HMCES: variants seen among roughly 807,000 people sequenced by gnomAD.
The protein encoded by HMCES is 5-hydroxymethylcytosine binding, ES cell specific, also known as abasic site processing protein HMCES.
HMCES carries 27 observed loss-of-function variants against 35.1 expected under a neutral mutation model. The ratio of observed to expected loss-of-function variants is 0.77; its 90% CI spans 0.57 to 1.06. HMCES has a LOEUF of 1.06. HMCES is among the 50% of genes least tolerant of loss of function. The pLI is 0.00. For synonymous variants in HMCES, 130 were observed against 154.7 expected, an observed-to-expected ratio of 0.84 and a Z score of 1.18; for missense variants, 391 against 430.4, an observed-to-expected ratio of 0.91 and a Z score of 0.81.
rs2071219574 is a variant in HMCES at position 129,305,158 on chromosome 3, T to C, written c.*333T>C. The C allele has an allele frequency of 3.7e-6, 1 of 267,170 alleles. No homozygotes were observed. The highest frequency in any genetic ancestry group is 7.1e-6 in the Non-Finnish European group (1 of 141,384). The allele number at this position is 267,170 out of a possible 1,614,324, so 16.5% of individuals were successfully genotyped here. ...CTCTGCCCTGATCTGGTACTCCTTGTAGTAAGCTGTTTTCTGCTCAGCCAC... is the reference window on the plus strand; with the variant it reads ...CTCTGCCCTGATCTGGTACTCCTTGCAGTAAGCTGTTTTCTGCTCAGCCAC... On this transcript the variant is annotated 3_prime_UTR_variant, in exon 7 of 7. Transcript: ENST00000383463.
chr3:129,304,763 G>C lies in HMCES; in HGVS notation c.1003G>C (p.Glu335Gln), dbSNP rs771547594. The C allele has an allele frequency of 6.2e-7, 1 of 1,614,012 alleles. No individual in the cohort carries two copies. The highest frequency in any genetic ancestry group is 8.5e-7 in the Non-Finnish European group (1 of 1,180,016). ...CAAGAGAGGCACTGCAGGACTCCTA[G>C]AGCAATGGCTGAAGCGGGAGAAGGA... ...PTKRGTAGLL[E>Q]QWLKREKEEE... The change falls in exon 7 of 7, where the codon GAG becomes CAG. Residue 335 changes from glutamate to glutamine, a missense_variant. Physicochemically the swap from Glu to Gln is conservative, Grantham distance 29. Coordinates refer to ENST00000383463, the MANE Select transcript of HMCES (RefSeq NM_020187.3).
At chr3:129,291,487 G>A (rs2107691298) in intron 4 of HMCES, among the ~76,000 whole-genome samples, 1 of 152,308 alleles carries the variant, frequency 6.6e-6, no homozygotes, top group Middle Eastern at 3.4e-3. Context: ...AGAATATGTG[G>A]TCTTTTGTGA....
rs774806130 is a variant in HMCES at position 129,290,692 on chromosome 3, A to G, written c.341A>G (p.Lys114Arg). 3.7e-6 allele frequency: 6 copies of G among 1,613,204 alleles called. No homozygotes were observed. The highest frequency in any genetic ancestry group is 5.1e-6 in the Non-Finnish European group (6 of 1,179,424). ...ATTTTCCCTCAGGTGCCTCTGGGAAAGGGAAGACGCTGTGTCGTTTTAGCA... is the reference window on the plus strand; with the variant it reads ...ATTTTCCCTCAGGTGCCTCTGGGAAGGGGAAGACGCTGTGTCGTTTTAGCA... ...EKRSFKVPLG[K>R]GRRCVVLADG... Residue 114 changes from lysine (K) to arginine (R), a missense_variant, in exon 4 of 7, where the codon AAG (lysine) becomes AGG (arginine). By Grantham distance (26) the Lys-to-Arg change is conservative (BLOSUM62 2). Transcript: ENST00000383463.
chr3:129,294,914 T>G (rs2071073105), intron 4 of HMCES, among the ~76,000 whole-genome samples: 1 of 151,810 alleles, frequency 6.6e-6, no homozygotes, highest in African/African-American at 2.4e-5. Flanking sequence ...TCCCAGCACT[T>G]CGGGAGGCCG....
At chr3:129,290,942 C>T (rs982251847) in intron 4 of HMCES, 138 bp downstream of exon 4, 3 of 766,624 alleles carry the variant, frequency 3.9e-6, no homozygotes, top group African/African-American at 1.8e-5. Flanking sequence ...GTGGCTCACG[C>T]CTGTGATCCC....
chr3:129,279,825 G>C lies in HMCES; in HGVS notation c.93G>C (p.Glu31Asp). ...GGCGGGGCCAGCAGCGGCTCCCGGA[G>C]TGGAGGGACCCTGATAAGTACTGCC... ...QDRRGQQRLP[E>D]WRDPDKYCPS... Residue 31 changes from glutamate to aspartate, a missense_variant, in exon 2 of 7, where the codon GAG becomes GAC. Transcript: ENST00000383463. This position sits in a 1 kb window ranked among gnomAD's most constrained non-coding sequence, Gnocchi z 4.2. The C allele has an allele frequency of 1.2e-6, 2 of 1,613,734 alleles. No homozygotes were observed. The highest frequency in any genetic ancestry group is 1.7e-6 in the Non-Finnish European group (2 of 1,179,902).
chr3:129,288,851 C>T lies in HMCES; in HGVS notation c.184-3C>T, dbSNP rs1236634057. 5 of 1,504,602 alleles carry T rather than the reference C, an allele frequency of 3.3e-6. No homozygotes were observed. In the South Asian group the frequency reaches 6.6e-5, roughly 20 times the overall value. The allele number at this position is 1,504,602 out of a possible 1,614,324, so 93.2% of individuals were successfully genotyped here. A position where few individuals can be genotyped will look rare whatever the true frequency, so the allele number is the denominator to read the frequency against. ...TCCTCACTAGATCTTCTCTCCGTGG[C>T]AGGATGCAGACTCATCTGAGCGTAT... On this transcript the variant is annotated splice_polypyrimidine_tract_variant and splice_region_variant and intron_variant, in intron 2 of 6. Transcript: ENST00000383463.
At chr3:129,284,703 A>G (rs1398357690) in intron 2 of HMCES, among the ~76,000 whole-genome samples, 2 of 152,212 alleles carry the variant, frequency 1.3e-5, no homozygotes, top group East Asian at 1.9e-4. Flanking sequence ...ACTTGAGGTC[A>G]GGAGTTCGAG....
At chr3:129,285,481 T>C (rs1436728613) in intron 2 of HMCES, among the ~76,000 whole-genome samples, 1 of 151,998 alleles carries the variant, frequency 6.6e-6, no homozygotes, top group Non-Finnish European at 1.5e-5. Flanking sequence ...AGATGGAGTC[T>C]TGCTCTGTTG....
chr3:129,296,625 A>G (rs1436648883), intron 4 of HMCES, among the ~76,000 whole-genome samples: 1 of 151,970 alleles, frequency 6.6e-6, no homozygotes, highest in Non-Finnish European at 1.5e-5. Context: ...GCCAGAGATG[A>G]TATGTAGGAC....
Position 129,279,275 on chromosome 3 carries a change from G to C in HMCES, c.-24+370G>C, listed in dbSNP as rs2107682657. On this transcript the variant is annotated intron_variant, in intron 1 of 6. Transcript: ENST00000383463. The surrounding 1 kb of genome is among the most constrained non-coding windows in gnomAD (Gnocchi z 4.2). ...CGGGGATTCTGCACCCCGGCCCCGG[G>C]CCGTCCAGTGGCCGCCCTCGAGGTG... 5.9e-6 allele frequency: 1 copy of C among 169,178 alleles called. No individual in the cohort carries two copies. Among genetic ancestry groups the C allele is most frequent in the African/African-American group, 2.4e-5 (1 of 41,662 alleles). The allele number at this position is 169,178 out of a possible 1,614,324, so 10.5% of individuals were successfully genotyped here. A position where few individuals can be genotyped will look rare whatever the true frequency, so the allele number is the denominator to read the frequency against.
chr3:129,301,712 G>A (rs1001670596), intron 5 of HMCES, among the ~76,000 whole-genome samples: 4 of 152,204 alleles, frequency 2.6e-5, no homozygotes, highest in African/African-American at 7.2e-5. Context: ...CACTAGACCA[G>A]TTAGTACTCT....
chr3:129,281,709 C>G (rs560528292), intron 2 of HMCES, among the ~76,000 whole-genome samples: 7 of 149,002 alleles, frequency 4.7e-5, no homozygotes, highest in Non-Finnish European at 9.0e-5. Flanking sequence ...ATAAAGATAA[C>G]AAATAATGGC....
intron 2 of HMCES, among the ~76,000 whole-genome samples, chr3:129,280,932 C>T (rs1457309704): frequency 6.6e-6 from 1 of 152,146 alleles, no homozygotes; most frequent in Non-Finnish European, 1.5e-5. Context: ...TTTTAAAAAT[C>T]GTGATTGTTG....
intron 4 of HMCES, among the ~76,000 whole-genome samples, chr3:129,294,221 A>G (rs2071063837): frequency 6.6e-6 from 1 of 152,086 alleles, no homozygotes; most frequent in African/African-American, 2.4e-5. Flanking sequence ...GATCAAGACC[A>G]TCGTGGCTAA....
chr3:129,283,806 G>A (rs1282312125), intron 2 of HMCES, among the ~76,000 whole-genome samples: 4 of 152,048 alleles, frequency 2.6e-5, no homozygotes, highest in Non-Finnish European at 5.9e-5. Context: ...CTCCAGCCTG[G>A]GCAACAAGAG....
chr3:129,282,691 T>C (rs1479197238), intron 2 of HMCES, among the ~76,000 whole-genome samples: 1 of 152,248 alleles, frequency 6.6e-6, no homozygotes, highest in Non-Finnish European at 1.5e-5. Flanking sequence ...ATTAGAACCA[T>C]TTTAGCAGTT....
intron 3 of HMCES, 96 bp from the exon 4 acceptor site, chr3:129,290,583 C>G (rs2071001262): frequency 1.4e-6 from 2 of 1,412,366 alleles, no homozygotes; most frequent in Non-Finnish European, 1.9e-6. Flanking sequence ...CCGCCTGGCC[C>G]AAACCTCAGA....
intron 6 of HMCES, among the ~76,000 whole-genome samples, 160 bp from the exon 7 acceptor site, chr3:129,304,429 T>C (rs906823252): frequency 6.6e-6 from 1 of 152,206 alleles, no homozygotes; most frequent in African/African-American, 2.4e-5. Flanking sequence ...AGCACACTCC[T>C]CTCTTTCCAC....
Sources: allele counts gnomAD v4.1 joint callset (sites outside exome capture counted in the v4.1 genomes callset), GRCh38; gene constraint gnomAD v4.1.1; non-coding constraint Gnocchi (gnomAD v3.1); transcripts MANE v1.5; gene names NCBI Gene and HGNC (gene_info 2026-07-23, HGNC 2026-07-21).